The following ROBO2 variants were observed in gnomAD, a reference collection of about 807,000 sequenced individuals.
ROBO2 encodes the protein roundabout guidance receptor 2, also known as roundabout homolog 2.
Under a neutral mutation model 160.8 loss-of-function variants are expected in ROBO2, and 53 were observed. The observed-to-expected ratio is 0.33, with a 90% CI of 0.26 to 0.41. ROBO2 has a LOEUF of 0.41. ROBO2 is among the 10% of genes least tolerant of loss of function. The probability of loss-of-function intolerance (pLI) is 1.00; values close to 1 mark genes in which losing one functional copy is unlikely to be tolerated. For missense variants in ROBO2, 1,577 were observed against 1,722.4 expected, an observed-to-expected ratio of 0.92 and a Z score of 1.49; for synonymous variants, 664 against 611.7, an observed-to-expected ratio of 1.09 and a Z score of -1.26.
intron 2 of ROBO2, among the ~76,000 whole-genome samples, chr3:76,022,041 T>A (rs1184506257): frequency 6.6e-6 from 1 of 151,860 alleles, no homozygotes; most frequent in Admixed American, 6.6e-5. Context: ...AATTCTTTGT[T>A]GTTATTTCAA....
chr3:77,608,813 AT>A (rs951625227), intron 21 of ROBO2, among the ~76,000 whole-genome samples: 1 of 151,576 alleles, frequency 6.6e-6, no homozygotes, highest in Non-Finnish European at 1.5e-5. Context: ...TTTTCACAGG[AT>A]TTTTTTTCAC....
intron 2 of ROBO2, among the ~76,000 whole-genome samples, chr3:77,367,788 T>G (rs533931140): frequency 1.3e-5 from 2 of 152,270 alleles, no homozygotes; most frequent in African/African-American, 4.8e-5. Flanking sequence ...ATGTTAACTC[T>G]TAGAATGCTA....
At chr3:75,949,581 T>A (rs1483145492) in intron 2 of ROBO2, among the ~76,000 whole-genome samples, 3 of 152,060 alleles carry the variant, frequency 2.0e-5, no homozygotes, top group Non-Finnish European at 2.9e-5. Context: ...TACATTGCCT[T>A]GTAAACAAAA....
In ROBO2 at chr3:76,182,017, T is replaced by A. The variant is rs78750155; in HGVS notation, c.109+244415T>A. On this transcript the variant is annotated intron_variant, in intron 2 of 26. Transcript: ENST00000487694. Reference sequence around the variant, plus strand: ...ATAAGGAAGAAAGATTAGGAATGAGTTTTTGAGTTCAGTGTATGAGAACTA... The same window carrying A: ...ATAAGGAAGAAAGATTAGGAATGAGATTTTGAGTTCAGTGTATGAGAACTA... Among the ~76,000 whole-genome samples the A allele has an allele frequency of 3.7e-4, 57 of 152,220 alleles. No individual in the cohort carries two copies. In the East Asian group the frequency reaches 0.01, roughly 27 times the overall value.
At chr3:77,397,464 T>G (rs966368885) in intron 2 of ROBO2, among the ~76,000 whole-genome samples, 1 of 152,136 alleles carries the variant, frequency 6.6e-6, no homozygotes, top group African/African-American at 2.4e-5. Flanking sequence ...TGCTCTTACC[T>G]AGAAGGCTCT....
intron 2 of ROBO2, among the ~76,000 whole-genome samples, chr3:76,099,238 G>GA (rs2069582243): frequency 6.6e-6 from 1 of 152,042 alleles, no homozygotes; most frequent in Admixed American, 6.6e-5. Flanking sequence ...GGGATAATTT[G>GA]AAAATCTGTA....
At chr3:76,024,303 G>A (rs1157407376) in intron 2 of ROBO2, among the ~76,000 whole-genome samples, 1 of 151,320 alleles carries the variant, frequency 6.6e-6, no homozygotes, top group Admixed American at 6.6e-5. Flanking sequence ...ATGAAATTTG[G>A]CAAGGCAAAA....
rs567260998 is a variant in ROBO2, at chr3:76,393,957, A to G, written c.109+456355A>G. On this transcript the variant is annotated intron_variant, in intron 2 of 26. Transcript: ENST00000487694. ...GGGTGTAGAGGGAAAGAAAAATAAAAAATTCGTTTTCCATTTGCTTGGTAG... is the reference window on the plus strand; with the variant it reads ...GGGTGTAGAGGGAAAGAAAAATAAAGAATTCGTTTTCCATTTGCTTGGTAG... Among the ~76,000 whole-genome samples, 413 of 152,184 alleles carry G rather than the reference A, an allele frequency of 2.7e-3. 2 individuals are homozygous for G. The highest frequency in any genetic ancestry group is 9.7e-3 in the African/African-American group (401 of 41,544).
chr3:76,324,506 A>G (rs1209747567), intron 2 of ROBO2, among the ~76,000 whole-genome samples: 1 of 152,224 alleles, frequency 6.6e-6, no homozygotes, highest in Non-Finnish European at 1.5e-5. Flanking sequence ...CTCTCATTTA[A>G]CAAGTTAGCA....
At chr3:77,595,657 CAT>C (rs2094286037) in intron 18 of ROBO2, among the ~76,000 whole-genome samples, 1 of 152,130 alleles carries the variant, frequency 6.6e-6, no homozygotes, top group African/African-American at 2.4e-5. Flanking sequence ...ATAACAAACT[CAT>C]ATATCCTCAT....
chr3:76,439,007 T>C (rs984761973), intron 2 of ROBO2, among the ~76,000 whole-genome samples: 1 of 152,144 alleles, frequency 6.6e-6, no homozygotes, highest in Non-Finnish European at 1.5e-5. Context: ...TATTTAGTTG[T>C]GATTGTGTGT....
At chr3:77,467,082 A>C (rs2082844150) in intron 2 of ROBO2, among the ~76,000 whole-genome samples, 1 of 152,166 alleles carries the variant, frequency 6.6e-6, no homozygotes, top group Non-Finnish European at 1.5e-5. Flanking sequence ...GAGAGAGGCG[A>C]TCTGTTGGGA....
intron 2 of ROBO2, among the ~76,000 whole-genome samples, chr3:76,347,689 T>C (rs2074611314): frequency 1.3e-5 from 2 of 151,782 alleles, no homozygotes; most frequent in South Asian, 2.1e-4. Flanking sequence ...GGTGGTCATA[T>C]TTCACTCTCC....
intron 2 of ROBO2, among the ~76,000 whole-genome samples, chr3:76,831,890 A>G (rs1047580067): frequency 6.6e-6 from 1 of 152,202 alleles, no homozygotes; most frequent in Non-Finnish European, 1.5e-5. Flanking sequence ...CAGGGGGAAG[A>G]TATGTCCTGA....
intron 2 of ROBO2, among the ~76,000 whole-genome samples, chr3:77,423,137 A>C (rs2077864275): frequency 1.3e-5 from 2 of 152,278 alleles, no homozygotes; most frequent in South Asian, 2.1e-4. Context: ...ATCAAAATAT[A>C]TTTTATGTAA....
At chr3:77,286,512 T>C (rs2060612657) in intron 2 of ROBO2, among the ~76,000 whole-genome samples, 1 of 152,148 alleles carries the variant, frequency 6.6e-6, no homozygotes, top group Non-Finnish European at 1.5e-5. Context: ...CGCCTTGGCC[T>C]CCCAAACTGC....
At chr3:76,965,475 G>A (rs1012094282) in intron 2 of ROBO2, among the ~76,000 whole-genome samples, 1 of 152,070 alleles carries the variant, frequency 6.6e-6, no homozygotes, top group Non-Finnish European at 1.5e-5. Context: ...AGCTGCCCCT[G>A]ACTAAACAGC....
chr3:76,895,984 C>T (rs186481437), intron 2 of ROBO2, among the ~76,000 whole-genome samples: 2 of 152,246 alleles, frequency 1.3e-5, no homozygotes, highest in East Asian at 1.9e-4. Context: ...TCCATCACAA[C>T]GGCATGTGAG....
intron 5 of ROBO2, among the ~76,000 whole-genome samples, chr3:77,507,293 C>T (rs2088685132): frequency 6.6e-6 from 1 of 152,172 alleles, no homozygotes. Flanking sequence ...TCGGACTGAA[C>T]ATCCCTCTGA....
Sources: gnomAD v4.1 joint callset for allele counts (sites outside exome capture counted in the v4.1 genomes callset) on GRCh38, gnomAD v4.1.1 for gene constraint, MANE v1.5 for transcripts, NCBI Gene and HGNC (gene_info 2026-07-23, HGNC 2026-07-21) for gene names.